The following TECRL variants were observed in gnomAD, a reference collection of about 807,000 sequenced individuals.
TECRL encodes trans-2,3-enoyl-CoA reductase-like.
A neutral mutation model predicts 52.8 loss-of-function variants in TECRL; 63 were observed. The observed-to-expected ratio is 1.19, with a 90% CI of 0.97 to 1.47. The LOEUF (loss-of-function observed/expected upper bound fraction) is 1.47. Ranked by LOEUF, TECRL falls within the 40% of genes most tolerant of loss-of-function variation. The pLI is 0.00. For synonymous variants in TECRL, 164 were observed against 141.9 expected, an observed-to-expected ratio of 1.16 and a Z score of -1.10; for missense variants, 482 against 429.6, an observed-to-expected ratio of 1.12 and a Z score of -1.08.
chr4:64,281,572 A>T lies in TECRL; in HGVS notation c.833-13T>A. ...CAGGCATTGTTTCCTTTTTCAAAGG[A>T]AAGTAAAATGTCAATGATGCTACAC... On this transcript the variant is annotated splice_polypyrimidine_tract_variant and intron_variant, in intron 9 of 11. Transcript: ENST00000381210. The T allele has an allele frequency of 6.8e-7, 1 of 1,477,388 alleles. No homozygotes were observed. Among genetic ancestry groups the T allele is most frequent in the Non-Finnish European group, 9.4e-7 (1 of 1,063,836 alleles). The allele number at this position is 1,477,388 out of a possible 1,614,324, so 91.5% of individuals were successfully genotyped here. A position where few individuals can be genotyped will look rare whatever the true frequency, so the allele number is the denominator to read the frequency against.
intron 8 of TECRL, among the ~76,000 whole-genome samples, chr4:64,297,766 C>G (rs1272870031): frequency 6.6e-6 from 1 of 150,848 alleles, no homozygotes; most frequent in East Asian, 1.9e-4. Flanking sequence ...AATAGCAGAC[C>G]TCTTTATGTT....
At chr4:64,286,678 A>G (rs562747544) in intron 9 of TECRL, among the ~76,000 whole-genome samples, 3 of 152,114 alleles carry the variant, frequency 2.0e-5, no homozygotes, top group Admixed American at 1.3e-4. Context: ...AAGCAAAAAA[A>G]CCATCATTTG....
chr4:64,323,361 T>C (rs1355768020), intron 3 of TECRL, among the ~76,000 whole-genome samples: 3 of 151,894 alleles, frequency 2.0e-5, no homozygotes, highest in Non-Finnish European at 4.4e-5. Flanking sequence ...CGCTTCACTG[T>C]ACTCCAGTCT....
intron 1 of TECRL, among the ~76,000 whole-genome samples, chr4:64,394,525 C>A (rs1199945617): frequency 6.6e-6 from 1 of 152,102 alleles, no homozygotes; most frequent in Non-Finnish European, 1.5e-5. Flanking sequence ...ACACACAATT[C>A]CCGTGGCATA....
chr4:64,398,189 C>T (rs181710940), intron 1 of TECRL, among the ~76,000 whole-genome samples: 13 of 152,062 alleles, frequency 8.5e-5, no homozygotes, highest in African/African-American at 3.1e-4. Context: ...AGGCTCTGTG[C>T]CATAGCCATT....
chr4:64,355,599 C>A (rs1334602852), intron 2 of TECRL, among the ~76,000 whole-genome samples: 1 of 151,796 alleles, frequency 6.6e-6, no homozygotes, highest in African/African-American at 2.4e-5. Flanking sequence ...GAGATCGAGA[C>A]CATCCTGGCG....
Position 64,281,471 on chromosome 4 carries a change from TAC to T in TECRL, c.918+1_918+2del, listed in dbSNP as rs761528309. On this transcript the variant is annotated splice_donor_variant, in intron 10 of 11. Coordinates refer to ENST00000381210, the MANE Select transcript of TECRL (RefSeq NM_001010874.5). LOFTEE classifies it high-confidence loss of function. The stretch of plus-strand genomic sequence containing the variant: ...CAAGCATTTACATACATAAATAACA[TAC>T]CTCATAGGTGTAGTTAGGACATGAA... 1 of 1,554,962 alleles carries T rather than the reference TAC, an allele frequency of 6.4e-7. No individual in the cohort carries two copies. Among genetic ancestry groups the T allele is most frequent in the South Asian group, 1.1e-5 (1 of 88,060 alleles).
At chr4:64,293,814 C>T (rs6551814) in intron 8 of TECRL, among the ~76,000 whole-genome samples, 145,791 of 151,880 alleles carry the variant, frequency 0.96, 70,003 homozygotes, top group East Asian at 1. Flanking sequence ...TAAAATCCTT[C>T]TGGTTTCCAC....
At chr4:64,333,217 A>G (rs1030670183) in intron 2 of TECRL, among the ~76,000 whole-genome samples, 1 of 152,114 alleles carries the variant, frequency 6.6e-6, no homozygotes, top group Admixed American at 6.5e-5. Context: ...ATTACCAACA[A>G]ATTAATGGCA....
Position 64,328,541 on chromosome 4 carries a change from G to T in TECRL, c.302C>A (p.Pro101His). Residue 101 changes from proline to histidine, a missense_variant, in exon 3 of 12, where the codon CCT becomes CAT. By Grantham distance (77) the Pro-to-His change is moderately conservative. Coordinates refer to ENST00000381210, the MANE Select transcript of TECRL (RefSeq NM_001010874.5). ...TTCTAGCTGCAGACCAACTCGAGAAGGGTACCACTTTGGACCTATTCAATG... is the reference window on the plus strand; with the variant it reads ...TTCTAGCTGCAGACCAACTCGAGAATGGTACCACTTTGGACCTATTCAATG... ...KFHKACPKWY[P>H]SRVGLQLECG... 1 of 1,611,526 alleles carries T rather than the reference G, an allele frequency of 6.2e-7. No individual in the cohort carries two copies. Among genetic ancestry groups the T allele is most frequent in the Admixed American group, 1.7e-5 (1 of 59,826 alleles).
intron 3 of TECRL, among the ~76,000 whole-genome samples, chr4:64,324,166 A>C (rs1718095119): frequency 6.6e-6 from 1 of 152,190 alleles, no homozygotes; most frequent in Non-Finnish European, 1.5e-5. Context: ...ATTCTTAAAA[A>C]TAACCATCAG....
intron 4 of TECRL, among the ~76,000 whole-genome samples, chr4:64,321,057 T>C (rs897538734): frequency 6.6e-6 from 1 of 152,064 alleles, no homozygotes; most frequent in Non-Finnish European, 1.5e-5. Context: ...AACACGACCA[T>C]AGAACATTGG....
chr4:64,386,772 G>A (rs1432923291), intron 1 of TECRL, among the ~76,000 whole-genome samples: 1 of 151,972 alleles, frequency 6.6e-6, no homozygotes, highest in Non-Finnish European at 1.5e-5. Context: ...TTTATAATAG[G>A]CTTCATTTTA....
At chr4:64,291,620 A>G (rs550684267) in intron 8 of TECRL, among the ~76,000 whole-genome samples, 1 of 152,044 alleles carries the variant, frequency 6.6e-6, no homozygotes, top group Admixed American at 6.6e-5. Context: ...ACATCAAAAT[A>G]TTTTCTTCTT....
chr4:64,333,467 C>G (rs1402810416), intron 2 of TECRL, among the ~76,000 whole-genome samples: 1 of 151,956 alleles, frequency 6.6e-6, no homozygotes, highest in African/African-American at 2.4e-5. Context: ...CAATATTGAG[C>G]AAAATTCTGG....
At chr4:64,305,272 A>G (rs1160924849) in intron 6 of TECRL, 34 bp from the exon 7 acceptor site, 1 of 1,566,642 alleles carries the variant, frequency 6.4e-7, no homozygotes, top group Non-Finnish European at 8.8e-7. Flanking sequence ...AAAAGTTAGG[A>G]AAAATATGTA....
rs542859064 is a variant in TECRL at position 64,310,967 on chromosome 4, G to T, written c.552-1036C>A. Among the ~76,000 whole-genome samples, 155 of 152,216 alleles carry T rather than the reference G, an allele frequency of 1.0e-3. 1 individual carries two copies. The highest frequency in any genetic ancestry group is 1.2e-3 in the Non-Finnish European group (85 of 68,014). ...ACTCCTGGGCTCACATAATCAACTTGCCTGGGGTTCCCCAACTGCTAGGAT... is the reference window on the plus strand; with the variant it reads ...ACTCCTGGGCTCACATAATCAACTTTCCTGGGGTTCCCCAACTGCTAGGAT... On this transcript the variant is annotated intron_variant, in intron 5 of 11. Transcript: ENST00000381210.
At chr4:64,363,320 G>T (rs1721334426) in intron 2 of TECRL, among the ~76,000 whole-genome samples, 1 of 152,044 alleles carries the variant, frequency 6.6e-6, no homozygotes, top group African/African-American at 2.4e-5. Flanking sequence ...ACCTAAAATC[G>T]ACACTTTAAG....
chr4:64,395,967 C>A (rs1723918410), intron 1 of TECRL, among the ~76,000 whole-genome samples: 2 of 152,106 alleles, frequency 1.3e-5, no homozygotes, highest in African/African-American at 4.8e-5. Context: ...AGGATAATGG[C>A]CTCCAGCTTC....
Sources: allele counts gnomAD v4.1 joint callset (sites outside exome capture counted in the v4.1 genomes callset), GRCh38; gene constraint gnomAD v4.1.1; transcripts MANE v1.5; gene names NCBI Gene and HGNC (gene_info 2026-07-23, HGNC 2026-07-21).